Variants in ANKRD26 observed in about 807,000 individuals in gnomAD.
ANKRD26 encodes the protein ankyrin repeat domain-containing protein 26.
A neutral mutation model predicts 208.7 loss-of-function variants in ANKRD26; 141 were observed. That is an observed-to-expected ratio of 0.68 (90% CI 0.59 to 0.78). ANKRD26 has a LOEUF of 0.78. Ranked by LOEUF, ANKRD26 falls within the 30% of genes least tolerant of loss-of-function variation. The pLI, the probability that ANKRD26 is intolerant of heterozygous loss-of-function variation, is 0.00. For missense variants in ANKRD26, 1,889 were observed against 1,938.7 expected, an observed-to-expected ratio of 0.97 and a Z score of 0.48; for synonymous variants, 636 against 660.4, an observed-to-expected ratio of 0.96 and a Z score of 0.57.
At chr10:27,046,577 A>G in intron 17 of ANKRD26, 54 bp from the exon 18 acceptor site, 1 of 1,545,342 alleles carries the variant, frequency 6.5e-7, no homozygotes, top group Non-Finnish European at 8.9e-7. Flanking sequence ...AAAAAAAGAA[A>G]CAACATGCAG....
chr10:27,069,065 A>T (rs911461950), intron 9 of ANKRD26, among the ~76,000 whole-genome samples: 1 of 151,812 alleles, frequency 6.6e-6, no homozygotes, highest in Non-Finnish European at 1.5e-5. Flanking sequence ...GTGGTGGCAC[A>T]TGCCCTGTAA....
chr10:27,074,573 A>G (rs2055625196), intron 9 of ANKRD26, among the ~76,000 whole-genome samples: 1 of 151,948 alleles, frequency 6.6e-6, no homozygotes, highest in Admixed American at 6.6e-5. Context: ...CCTAGCTACT[A>G]GGGGGGCTGA....
At chr10:27,029,847 C>T (rs3781099) in intron 25 of ANKRD26, among the ~76,000 whole-genome samples, 14,168 of 152,116 alleles carry the variant, frequency 0.093, 788 homozygotes, top group East Asian at 0.28. Context: ...ATTCATGAAA[C>T]TGAGAGGCCG....
exon 6 of ANKRD26, among the ~76,000 whole-genome samples, chr10:26,974,971 T>C (rs2052203591): frequency 6.6e-6 from 1 of 152,222 alleles, no homozygotes; most frequent in Admixed American, 6.5e-5. Flanking sequence ...TATTACAATA[T>C]GTCTAGACTT....
chr10:27,043,415 A>G lies in ANKRD26; in HGVS notation c.2161+11T>C. ...ACATAAAAAGGCCTTAAATTTATGC[A>G]ATGGTCCTACCTTTACACTCCATTC... On this transcript the variant is annotated intron_variant, in intron 20 of 33. Coordinates refer to ENST00000376087, the MANE Select transcript of ANKRD26 (RefSeq NM_014915.3). 2.5e-6 allele frequency: 4 copies of G among 1,613,720 alleles called. No homozygotes were observed. Among genetic ancestry groups the G allele is most frequent in the Non-Finnish European group, 3.4e-6 (4 of 1,179,708 alleles).
At chr10:26,958,596 A>C in the ANKRD26 span, among the ~76,000 whole-genome samples, 1 of 152,228 alleles carries the variant, frequency 6.6e-6, no homozygotes, top group East Asian at 1.9e-4. Context: ...AGTTTGCTGA[A>C]GATAATGGCT....
At position 27,005,203 on chromosome 10, in the gene ANKRD26, G is replaced by A; in HGVS notation, c.*387C>T. On this transcript the variant is annotated 3_prime_UTR_variant, in exon 34 of 34. Coordinates refer to ENST00000376087, the MANE Select transcript of ANKRD26 (RefSeq NM_014915.3). ...TAACAATTGTAATACATCCAAACAT[G>A]AACAATGACCACAGTTCCTGCACAA... is the stretch of plus-strand genomic sequence containing the variant. 5.0e-6 allele frequency: 5 copies of A among 995,850 alleles called. No individual in the cohort carries two copies. The highest frequency in any genetic ancestry group is 6.0e-6 in the Non-Finnish European group (5 of 836,744). 61.7% of individuals were successfully genotyped at this position (995,850 alleles called of 1,614,324 possible). A position where few individuals can be genotyped will look rare whatever the true frequency, so the allele number is the denominator to read the frequency against.
At chr10:26,991,054 A>C (rs1026578643), downstream of ANKRD26, among the ~76,000 whole-genome samples, 1 of 152,132 alleles carries the variant, frequency 6.6e-6, no homozygotes, top group Non-Finnish European at 1.5e-5. Context: ...CAGGAAAAGG[A>C]GTTTGTTTTT....
chr10:27,011,579 A>G (rs886508861), intron 32 of ANKRD26, among the ~76,000 whole-genome samples: 4 of 152,218 alleles, frequency 2.6e-5, no homozygotes, highest in Non-Finnish European at 5.9e-5. Context: ...ATCCCCAGAA[A>G]TGAAGTCGTA....
rs540954278 is a variant in ANKRD26, at chr10:27,035,508, A to G, written c.2942T>C (p.Leu981Pro). The G allele has an allele frequency of 6.2e-7, 1 of 1,614,056 alleles. No individual in the cohort carries two copies. The highest frequency in any genetic ancestry group is 1.1e-5 in the South Asian group (1 of 91,074). The change falls in exon 24 of 34, where the codon CTG becomes CCG. Residue 981 changes from leucine to proline, a missense_variant. Transcript: ENST00000376087. The part of the protein sequence containing the change: ...ISQYNGRLSV[L>P]TAENAMLNSK... ...ATTTAGCATTGCATTCTCAGCTGTC[A>G]GAACACTAAGCCGTCCATTATACTG...
Position 27,005,549 on chromosome 10 carries a change from C to A in ANKRD26, c.*41G>T. ...TCATATATTAATATTTAATGAGAAA[C>A]AAAATGTCACATAAACAGCCCAGTA... is the stretch of plus-strand genomic sequence containing the variant. On this transcript the variant is annotated 3_prime_UTR_variant, in exon 34 of 34. Coordinates refer to ENST00000376087, the MANE Select transcript of ANKRD26 (RefSeq NM_014915.3). 6.3e-7 allele frequency: 1 copy of A among 1,590,330 alleles called. No individual in the cohort carries two copies. The highest frequency in any genetic ancestry group is 1.7e-4 in the Middle Eastern group (1 of 5,774).
chr10:26,950,229 G>T, the ANKRD26 span, among the ~76,000 whole-genome samples: 1 of 151,996 alleles, frequency 6.6e-6, no homozygotes, highest in African/African-American at 2.4e-5. Context: ...CATGACATAT[G>T]GTAGTTTAAT....
intron 15 of ANKRD26, among the ~76,000 whole-genome samples, chr10:27,057,953 A>G (rs910679850): frequency 6.6e-6 from 1 of 151,878 alleles, no homozygotes; most frequent in Non-Finnish European, 1.5e-5. Context: ...AAAAAAAAGA[A>G]AAAAGAAAGA....
intron 1 of ANKRD26, among the ~76,000 whole-genome samples, chr10:27,098,330 A>G (rs1052522076): frequency 6.6e-6 from 1 of 151,758 alleles, no homozygotes; most frequent in African/African-American, 2.4e-5. Context: ...TTTACTTCTG[A>G]AAAGGATAAA....
chr10:27,041,201 A>T (rs1158269012), intron 20 of ANKRD26, among the ~76,000 whole-genome samples: 1 of 114,696 alleles, frequency 8.7e-6, no homozygotes, highest in Non-Finnish European at 2.2e-5. Flanking sequence ...AGTCTGGTAA[A>T]CGCAAAGTAG....
intron 5 of ANKRD26, among the ~76,000 whole-genome samples, chr10:26,976,222 C>T (rs368942078): frequency 6.7e-6 from 1 of 150,104 alleles, no homozygotes; most frequent in Non-Finnish European, 1.5e-5. Context: ...TAATTTTTTT[C>T]TTTTTTTTTT....
intron 15 of ANKRD26, among the ~76,000 whole-genome samples, chr10:27,057,731 G>A (rs1371409830): frequency 1.3e-5 from 2 of 152,136 alleles, no homozygotes; most frequent in African/African-American, 2.4e-5. Flanking sequence ...GAGGTCAAGA[G>A]ATCGAGATCA....
rs1428120502 is a variant in ANKRD26, at chr10:27,100,135, C to G, written c.192G>C (p.Gln64His). 6.2e-7 allele frequency: 1 copy of G among 1,614,046 alleles called. No homozygotes were observed. Among genetic ancestry groups the G allele is most frequent in the Admixed American group, 1.7e-5 (1 of 60,014 alleles). Reference sequence around the variant, plus strand: ...AGCCATTCTTCCTGAGCAAAAGGATCTGCTGCACTTTCGCCACATTACCCG... The same window carrying G: ...AGCCATTCTTCCTGAGCAAAAGGATGTGCTGCACTTTCGCCACATTACCCG... ...ASAGNVAKVQ[Q>H]ILLLRKNGLN... Residue 64 changes from glutamine to histidine, a missense_variant, in exon 1 of 34, where the codon CAG (glutamine) becomes CAC (histidine). Transcript: ENST00000376087.
rs1280503769 is a variant in ANKRD26 at position 27,051,667 on chromosome 10, A to AAT, written c.1635+1652_1635+1653insAT. 1.1e-5 allele frequency: 11 copies of AAT among 985,414 alleles called. No homozygotes were observed. The African/African-American group carries it at 1.9e-4, about 17-fold the overall frequency. 61.0% of individuals were successfully genotyped at this position (985,414 alleles called of 1,614,324 possible). Reference sequence around the variant, plus strand: ...TGGCAAGCATATTCTGGGGACCCAGAGTATGAAGGAAATGAAAAGCCATTT... The same window carrying AAT: ...TGGCAAGCATATTCTGGGGACCCAGAATGTATGAAGGAAATGAAAAGCCATTT... On this transcript the variant is annotated intron_variant, in intron 16 of 33. Coordinates refer to ENST00000376087, the MANE Select transcript of ANKRD26 (RefSeq NM_014915.3).
Sources: gnomAD v4.1 joint callset for allele counts (sites outside exome capture counted in the v4.1 genomes callset) on GRCh38, gnomAD v4.1.1 for gene constraint, MANE v1.5 for transcripts, NCBI Gene and HGNC (gene_info 2026-07-23, HGNC 2026-07-21) for gene names.